The following WDPCP variants were observed in gnomAD, a reference collection of about 807,000 sequenced individuals.
The protein encoded by WDPCP is WD repeat-containing and planar cell polarity effector protein fritz homolog.
A neutral mutation model predicts 93.1 loss-of-function variants in WDPCP; 71 were observed. That is an observed-to-expected ratio of 0.76 (90% confidence interval 0.63 to 0.93). WDPCP has a LOEUF of 0.93. Ranked by LOEUF, WDPCP falls within the 40% of genes least tolerant of loss-of-function variation. The pLI, the probability that WDPCP is intolerant of heterozygous loss-of-function variation, is 0.00. For synonymous variants in WDPCP, 315 were observed against 315.0 expected, an observed-to-expected ratio of 1.00 and a Z score of 0.00; for missense variants, 844 against 887.4, an observed-to-expected ratio of 0.95 and a Z score of 0.62.
At chr2:63,588,498 G>T, upstream of WDPCP, 1 of 623,484 alleles carries the variant, frequency 1.6e-6, no homozygotes. Context: ...CCCCTCCAGA[G>T]TGTCAATCGT....
At chr2:63,522,507 A>G (rs1357477955) in intron 1 of WDPCP, among the ~76,000 whole-genome samples, 1 of 141,262 alleles carries the variant, frequency 7.1e-6, no homozygotes, top group Non-Finnish European at 1.5e-5. Context: ...AACATACAAA[A>G]GATCAATGAA....
At chr2:63,612,039 A>T (rs1466759545) in intron 3 of WDPCP, among the ~76,000 whole-genome samples, 2 of 152,184 alleles carry the variant, frequency 1.3e-5, no homozygotes, top group African/African-American at 4.8e-5. Flanking sequence ...TAACAATGGA[A>T]ATGGGAGCTC....
At chr2:63,429,070 GA>G (rs1315442552) in intron 9 of WDPCP, among the ~76,000 whole-genome samples, 17 of 152,216 alleles carry the variant, frequency 1.1e-4, no homozygotes, top group Admixed American at 3.3e-4. Flanking sequence ...AAGCAATGGG[GA>G]AAACACTCCC....
intron 9 of WDPCP, 144 bp from the exon 10 acceptor site, chr2:63,404,801 C>A: frequency 1.1e-6 from 1 of 905,224 alleles, no homozygotes; most frequent in Non-Finnish European, 1.7e-6. Context: ...ATATAAAGTA[C>A]ATATAGCACA....
intron 1 of WDPCP, among the ~76,000 whole-genome samples, chr2:63,542,453 C>A (rs1435577494): frequency 2.0e-5 from 3 of 152,184 alleles, no homozygotes; most frequent in African/African-American, 7.2e-5. Flanking sequence ...GGCTATTCAG[C>A]CCCCTGGGTA....
At chr2:63,717,971 T>A (rs1669361903) in intron 2 of WDPCP, 1 of 151,390 alleles carries the variant, frequency 6.6e-6, no homozygotes, top group Non-Finnish European at 1.5e-5. Context: ...GAAAGTGTAC[T>A]TTTTTTTTAT....
At chr2:63,532,685 G>A (rs910601948) in intron 1 of WDPCP, among the ~76,000 whole-genome samples, 2 of 152,184 alleles carry the variant, frequency 1.3e-5, no homozygotes, top group African/African-American at 4.8e-5. Context: ...CACCAGGCTT[G>A]CCTTACAAGA....
At chr2:63,575,177 T>C (rs190417291) in intron 1 of WDPCP, among the ~76,000 whole-genome samples, 1 of 151,578 alleles carries the variant, frequency 6.6e-6, no homozygotes, top group African/African-American at 2.4e-5. Context: ...AGACTTGGGA[T>C]CAATACAATG....
chr2:63,735,048 T>C (rs1006824777), intron 2 of WDPCP, among the ~76,000 whole-genome samples: 2 of 152,174 alleles, frequency 1.3e-5, no homozygotes, highest in African/African-American at 4.8e-5. Context: ...AAGCAAACAT[T>C]TATAGAAGAA....
intron 1 of WDPCP, among the ~76,000 whole-genome samples, chr2:63,536,975 C>A (rs1418199268): frequency 6.6e-6 from 1 of 151,932 alleles, no homozygotes; most frequent in Non-Finnish European, 1.5e-5. Context: ...GCCATGTTGG[C>A]CTGGCTGGCC....
intron 12 of WDPCP, among the ~76,000 whole-genome samples, chr2:63,375,912 A>G (rs565054132): frequency 1.4e-3 from 213 of 152,030 alleles, no homozygotes; most frequent in Middle Eastern, 6.8e-3. Flanking sequence ...ACTTTTCCTC[A>G]TCTTTAATTT....
At chr2:63,313,880 A>G (rs200006167) in intron 12 of WDPCP, among the ~76,000 whole-genome samples, 23 of 3,514 alleles carry the variant, frequency 6.5e-3, no homozygotes, top group South Asian at 0.091. Flanking sequence ...ATATATATAT[A>G]TATATATTTT....
chr2:63,291,423 C>CA (rs1190102600), intron 13 of WDPCP, among the ~76,000 whole-genome samples: 1 of 152,096 alleles, frequency 6.6e-6, no homozygotes, highest in African/African-American at 2.4e-5. Flanking sequence ...TTTTCACTGT[C>CA]AAAGAGAAGG....
At chr2:63,567,928 A>G (rs995196812) in intron 1 of WDPCP, among the ~76,000 whole-genome samples, 1 of 152,248 alleles carries the variant, frequency 6.6e-6, no homozygotes, top group Non-Finnish European at 1.5e-5. Context: ...TTAAAATCCA[A>G]TAAGTATGTC....
chr2:63,621,746 A>G (rs1051211997), intron 3 of WDPCP, among the ~76,000 whole-genome samples: 1 of 152,214 alleles, frequency 6.6e-6, no homozygotes, highest in Non-Finnish European at 1.5e-5. Context: ...GGTTGAAATG[A>G]AGGAAAAAAT....
chr2:63,312,859 A>C (rs1686281796), intron 13 of WDPCP, among the ~76,000 whole-genome samples: 1 of 152,126 alleles, frequency 6.6e-6, no homozygotes, highest in Non-Finnish European at 1.5e-5. Flanking sequence ...AACTGAGCAC[A>C]TTCGAGATCT....
chr2:63,738,389 C>CTTTTTTTTTTTTTTTTTTTTTTTT (rs1425246383), intron 2 of WDPCP, among the ~76,000 whole-genome samples: 2 of 151,918 alleles, frequency 1.3e-5, no homozygotes, highest in Non-Finnish European at 2.9e-5. Flanking sequence ...ATCAGGGCTA[C>CTTTTTTTTTTTTTTTTTTTTTTTT]TATTGACATT....
At chr2:63,631,843 G>A (rs1036194730) in intron 3 of WDPCP, among the ~76,000 whole-genome samples, 1 of 152,212 alleles carries the variant, frequency 6.6e-6, no homozygotes, top group African/African-American at 2.4e-5. Context: ...TAGCCCTGAT[G>A]ACAGCCACAG....
intron 14 of WDPCP, among the ~76,000 whole-genome samples, chr2:63,189,610 A>G (rs1481825842): frequency 6.6e-6 from 1 of 152,222 alleles, no homozygotes; most frequent in East Asian, 1.9e-4. Flanking sequence ...GCAGGTGAGG[A>G]CTAAATGCTT....
Sources: allele counts gnomAD v4.1 joint callset (sites outside exome capture counted in the v4.1 genomes callset), GRCh38; gene constraint gnomAD v4.1.1; transcripts MANE v1.5; gene names NCBI Gene and HGNC (gene_info 2026-07-23, HGNC 2026-07-21).